The following ST6GALNAC5 variants were observed in gnomAD, a reference collection of about 807,000 sequenced individuals.
The protein encoded by ST6GALNAC5 is alpha-N-acetylgalactosaminide alpha-2,6-sialyltransferase 5.
Under a neutral mutation model 33.6 loss-of-function variants are expected in ST6GALNAC5, and 27 were observed. That is an observed-to-expected ratio of 0.80 (90% confidence interval 0.59 to 1.11). The LOEUF (loss-of-function observed/expected upper bound fraction) is 1.11, where lower values mean the gene tolerates loss of function less well. Ranked by LOEUF, ST6GALNAC5 falls within the 50% of genes least tolerant of loss-of-function variation. The pLI is 0.00. For missense variants in ST6GALNAC5, 428 were observed against 454.0 expected (o/e 0.94, Z 0.52); for synonymous variants, 194 against 171.2 (o/e 1.13, Z -1.04).
chr1:77,038,258 A>G (rs1034988310), intron 2 of ST6GALNAC5, among the ~76,000 whole-genome samples: 3 of 152,202 alleles, frequency 2.0e-5, no homozygotes, highest in Admixed American at 6.5e-5. Flanking sequence ...AGAACAAAAA[A>G]GAAAGGAACA....
Position 76,868,640 on chromosome 1 carries a change from C to T in ST6GALNAC5, c.159C>T (p.Thr53=). 6.2e-7 allele frequency: 1 copy of T among 1,606,662 alleles called. No individual in the cohort carries two copies. The highest frequency in any genetic ancestry group is 8.5e-7 in the Non-Finnish European group (1 of 1,176,524). ...QQQQQQQASA[T]GSSQPAAESS... ...AACAGCAGCAGCAGGCGTCGGCCAC[C>T]GGCAGCTCGCAGCCGGCGGCGGAGA... The change falls in exon 2 of 5, where the codon ACC becomes ACT. Residue 53 remains threonine (T), a synonymous_variant. Transcript: ENST00000477717. The surrounding 1 kb of genome is among the most constrained non-coding windows in gnomAD (Gnocchi z 4.3).
At chr1:76,958,358 T>A (rs1314343441) in intron 2 of ST6GALNAC5, among the ~76,000 whole-genome samples, 1 of 152,212 alleles carries the variant, frequency 6.6e-6, no homozygotes, top group Non-Finnish European at 1.5e-5. Context: ...GTAGTGTTAG[T>A]TTTCTTCCGC....
intron 2 of ST6GALNAC5, among the ~76,000 whole-genome samples, chr1:76,947,153 A>G (rs1218061372): frequency 1.3e-5 from 2 of 152,120 alleles, no homozygotes; most frequent in Admixed American, 6.6e-5. Context: ...TTAACCAACC[A>G]AAGTTTAGGG....
At chr1:76,886,599 C>T (rs1456323657) in intron 2 of ST6GALNAC5, among the ~76,000 whole-genome samples, 1 of 152,152 alleles carries the variant, frequency 6.6e-6, no homozygotes, top group Non-Finnish European at 1.5e-5. Context: ...TTTCATTTTG[C>T]CGCCTGAGCT....
rs1652722383 is a variant in ST6GALNAC5, at chr1:77,064,854, C to T, written c.*1648C>T. The T allele has an allele frequency of 1.3e-5, 2 of 152,108 alleles. No homozygotes were observed. Among genetic ancestry groups the T allele is most frequent in the African/African-American group, 4.8e-5 (2 of 41,424 alleles). 9.4% of individuals were successfully genotyped at this position (152,108 alleles called of 1,614,324 possible). On this transcript the variant is annotated 3_prime_UTR_variant, in exon 5 of 5. Transcript: ENST00000477717. ...GATAAAAGAAGTTTTATCGCATTAC[C>T]ACTTCTTTTCCCTTTTCTTAATTAG...
At chr1:76,997,569 T>C (rs1393601566) in intron 2 of ST6GALNAC5, among the ~76,000 whole-genome samples, 3 of 152,188 alleles carry the variant, frequency 2.0e-5, no homozygotes, top group Admixed American at 2.0e-4. Flanking sequence ...ACCAAATTAC[T>C]ACTCTTTGAA....
At chr1:76,876,903 A>G (rs902344474) in intron 2 of ST6GALNAC5, among the ~76,000 whole-genome samples, 4 of 152,142 alleles carry the variant, frequency 2.6e-5, no homozygotes, top group African/African-American at 7.2e-5. Flanking sequence ...TGAGGGAGAG[A>G]AGGCAGGGTG....
At chr1:76,873,009 T>C (rs1222667861) in intron 2 of ST6GALNAC5, among the ~76,000 whole-genome samples, 1 of 152,220 alleles carries the variant, frequency 6.6e-6, no homozygotes, top group Admixed American at 6.5e-5. Context: ...CAGGATAATT[T>C]TTCCAACTTC....
intron 2 of ST6GALNAC5, among the ~76,000 whole-genome samples, chr1:76,933,765 A>G (rs1202456411): frequency 8.1e-5 from 4 of 49,632 alleles, no homozygotes; most frequent in African/African-American, 3.8e-4. Flanking sequence ...TTCTCTGCCA[A>G]AAAAAAAAAA....
chr1:77,006,135 A>T (rs12742057), intron 2 of ST6GALNAC5, among the ~76,000 whole-genome samples: 1 of 151,510 alleles, frequency 6.6e-6, no homozygotes, highest in Non-Finnish European at 1.5e-5. Flanking sequence ...AGAAATGTGT[A>T]GTTTTTTTTG....
At chr1:76,994,224 A>G (rs1464324669) in intron 2 of ST6GALNAC5, among the ~76,000 whole-genome samples, 2 of 152,214 alleles carry the variant, frequency 1.3e-5, no homozygotes, top group Non-Finnish European at 1.5e-5. Flanking sequence ...CAGTAAATGT[A>G]AAGATGTTAG....
At chr1:77,046,152 T>A (rs892403690) in intron 3 of ST6GALNAC5, among the ~76,000 whole-genome samples, 1 of 152,194 alleles carries the variant, frequency 6.6e-6, no homozygotes, top group Admixed American at 6.5e-5. Context: ...TAGTGGTGCA[T>A]GCCTATAATC....
intron 2 of ST6GALNAC5, among the ~76,000 whole-genome samples, chr1:76,918,903 AT>A (rs1647003594): frequency 6.6e-6 from 1 of 152,156 alleles, no homozygotes; most frequent in African/African-American, 2.4e-5. Flanking sequence ...TTACTTCTCC[AT>A]TTATTTGTAT....
chr1:76,929,874 G>T (rs1461724571), intron 2 of ST6GALNAC5, among the ~76,000 whole-genome samples: 1 of 152,052 alleles, frequency 6.6e-6, no homozygotes, highest in Non-Finnish European at 1.5e-5. Context: ...CCTTTGGGAG[G>T]TCAAGGTGGA....
chr1:77,026,809 G>A (rs908888467), intron 2 of ST6GALNAC5, among the ~76,000 whole-genome samples: 1 of 152,058 alleles, frequency 6.6e-6, no homozygotes, highest in Non-Finnish European at 1.5e-5. Context: ...ATGAATGAAT[G>A]AATGAATGAA....
intron 2 of ST6GALNAC5, among the ~76,000 whole-genome samples, chr1:76,930,376 T>A (rs1264136818): frequency 2.0e-5 from 3 of 152,024 alleles, no homozygotes; most frequent in Non-Finnish European, 4.4e-5. Context: ...GTAGGTAGAA[T>A]TATCAAAGAA....
chr1:76,901,407 A>G (rs1351508339), intron 2 of ST6GALNAC5, among the ~76,000 whole-genome samples: 1 of 152,194 alleles, frequency 6.6e-6, no homozygotes, highest in Admixed American at 6.6e-5. Flanking sequence ...ACTGTTTAGT[A>G]TGGGTTAGCA....
At chr1:76,883,730 T>C (rs1653835072) in intron 2 of ST6GALNAC5, among the ~76,000 whole-genome samples, 1 of 152,194 alleles carries the variant, frequency 6.6e-6, no homozygotes, top group Non-Finnish European at 1.5e-5. Flanking sequence ...TGATCCAGTT[T>C]ATAGAAGAGA....
intron 2 of ST6GALNAC5, among the ~76,000 whole-genome samples, chr1:76,994,906 C>T (rs759463764): frequency 3.9e-5 from 6 of 152,098 alleles, no homozygotes; most frequent in South Asian, 2.1e-4. Flanking sequence ...CTTGTCTATC[C>T]GGGCTCAAAC....
Sources: allele counts gnomAD v4.1 joint callset (sites outside exome capture counted in the v4.1 genomes callset), GRCh38; gene constraint gnomAD v4.1.1; non-coding constraint Gnocchi (gnomAD v3.1); transcripts MANE v1.5; gene names NCBI Gene and HGNC (gene_info 2026-07-23, HGNC 2026-07-21).